The following BCL11B variants were observed in gnomAD, a reference collection of about 807,000 sequenced individuals.
BCL11B encodes B-cell lymphoma/leukemia 11B.
In BCL11B, 8 loss-of-function variants were observed where a neutral mutation model predicts 49.9. That is an observed-to-expected ratio of 0.16 (90% CI 0.09 to 0.29). BCL11B has a LOEUF of 0.29. Among genes scored for constraint, BCL11B ranks in the 10% least tolerant of loss-of-function variants. The pLI, the probability that BCL11B is intolerant of heterozygous loss-of-function variation, is 1.00. For missense variants in BCL11B, 1,006 were observed against 1,351.0 expected (o/e 0.74, Z 4.00); for synonymous variants, 739 against 637.4 (o/e 1.16, Z -2.40).
At chr14:99,221,853 C>T (rs1426936143) in intron 3 of BCL11B, among the ~76,000 whole-genome samples, 3 of 152,248 alleles carry the variant, frequency 2.0e-5, no homozygotes, top group Non-Finnish European at 2.9e-5. Context: ...GACCCTGTCA[C>T]GCCCATTTCT....
Position 99,175,252 on chromosome 14 carries a change from G to C in BCL11B, c.1584C>G (p.His528Gln), listed in dbSNP as rs755510485. Residue 528 changes from histidine to glutamine, a missense_variant, in exon 4 of 4, where the codon CAC becomes CAG. By Grantham distance (24) the His-to-Gln change is conservative. This residue lies in a region of BCL11B where 443 missense variants were observed against 499.7 expected (regional missense o/e 0.89). Transcript: ENST00000357195. ...RHHESDPSLG[H>Q]EPEEEDEEEE... ...CCTCCTCGTCCTCCTCCTCCGGCTC[G>C]TGGCCCAGCGACGGGTCGCTCTCGT... 2 of 1,544,254 alleles carry C rather than the reference G, an allele frequency of 1.3e-6. No homozygotes were observed. The highest frequency in any genetic ancestry group is 1.9e-5 in the Admixed American group (1 of 51,586).
At chr14:99,221,013 G>T (rs1235708041) in intron 3 of BCL11B, among the ~76,000 whole-genome samples, 1 of 152,030 alleles carries the variant, frequency 6.6e-6, no homozygotes, top group Admixed American at 6.6e-5. Context: ...ACCACGCCCA[G>T]CTACATTTTT....
At chr14:99,199,640 C>CTGTG (rs79328426) in intron 3 of BCL11B, among the ~76,000 whole-genome samples, 2,191 of 109,274 alleles carry the variant, frequency 0.02, 30 homozygotes, top group Non-Finnish European at 0.023. Flanking sequence ...TGGCTAAATG[C>CTGTG]TGTGTGTGTG....
At chr14:99,261,676 C>T (rs895831108) in intron 1 of BCL11B, among the ~76,000 whole-genome samples, 10 of 152,120 alleles carry the variant, frequency 6.6e-5, no homozygotes, top group Non-Finnish European at 1.3e-4. Flanking sequence ...GAAAAGCTCC[C>T]CAAGTGTCGG....
At chr14:99,226,086 T>C (rs896284626) in intron 3 of BCL11B, among the ~76,000 whole-genome samples, 5 of 152,228 alleles carry the variant, frequency 3.3e-5, no homozygotes, top group Non-Finnish European at 5.9e-5. Context: ...GCAACAGCAC[T>C]GTGAAGGCTG....
intron 1 of BCL11B, among the ~76,000 whole-genome samples, chr14:99,267,549 C>CG (rs1555385126): frequency 2.0e-5 from 3 of 149,664 alleles, no homozygotes; most frequent in African/African-American, 7.4e-5. Flanking sequence ...ACTTCACCCC[C>CG]CCCCCACCAA....
chr14:99,218,232 ATTTTTT>A (rs34932370), intron 3 of BCL11B, among the ~76,000 whole-genome samples: 2 of 112,886 alleles, frequency 1.8e-5, no homozygotes, highest in African/African-American at 6.9e-5. Context: ...TGCCTGGCTA[ATTTTTT>A]TTTTTTTTTT....
rs751946421 is a variant in BCL11B at position 99,174,219 on chromosome 14, T to C, written c.2617A>G (p.Met873Val). 1.2e-6 allele frequency: 2 copies of C among 1,613,866 alleles called. No individual in the cohort carries two copies. The highest frequency in any genetic ancestry group is 8.5e-7 in the Non-Finnish European group (1 of 1,180,010). ...AAGTGCTCGCCGTGCCACTTTTTCA[T>C]GTGTTTCTCCAGGGTGCTGTAGACG... Reference protein sequence around the residue: ...FSVYSTLEKHMKKWHGEHLLT... With the variant: ...FSVYSTLEKHVKKWHGEHLLT... The change falls in exon 4 of 4, where the codon ATG becomes GTG. Residue 873 changes from methionine to valine, a missense_variant. Physicochemically the swap from Met to Val is conservative, Grantham distance 21. Coordinates refer to ENST00000357195, the MANE Select transcript of BCL11B (RefSeq NM_138576.4).
intron 2 of BCL11B, among the ~76,000 whole-genome samples, chr14:99,235,743 A>G (rs1276096719): frequency 6.6e-6 from 1 of 151,508 alleles, no homozygotes; most frequent in Non-Finnish European, 1.5e-5. Context: ...GGTGGACGCT[A>G]CAGCGGTGGC....
intron 2 of BCL11B, among the ~76,000 whole-genome samples, chr14:99,250,325 G>T (rs1326641280): frequency 6.6e-6 from 1 of 151,936 alleles, no homozygotes. Flanking sequence ...GTGAGCCCCC[G>T]TGCCCAGCAG....
At chr14:99,189,385 G>A (rs1237707272) in intron 3 of BCL11B, among the ~76,000 whole-genome samples, 1 of 152,248 alleles carries the variant, frequency 6.6e-6, no homozygotes, top group East Asian at 1.9e-4. Flanking sequence ...GCCACCATGG[G>A]CGGTTATGGA....
At chr14:99,267,594 T>C (rs1336302193) in intron 1 of BCL11B, among the ~76,000 whole-genome samples, 4 of 150,346 alleles carry the variant, frequency 2.7e-5, no homozygotes, top group Non-Finnish European at 5.9e-5. Flanking sequence ...CTATGTCTTA[T>C]GAAATTTATC....
chr14:99,260,845 T>G (rs532621538), intron 1 of BCL11B, among the ~76,000 whole-genome samples: 1 of 152,100 alleles, frequency 6.6e-6, no homozygotes, highest in African/African-American at 2.4e-5. Context: ...AGCCAGGCCC[T>G]GTTGGCGTCC....
At chr14:99,234,226 T>C (rs536012192) in intron 2 of BCL11B, among the ~76,000 whole-genome samples, 5 of 152,114 alleles carry the variant, frequency 3.3e-5, no homozygotes, top group African/African-American at 1.2e-4. Flanking sequence ...GCTCGGGACT[T>C]AGACAGGAGT....
In BCL11B at chr14:99,170,099, G is replaced by A. The variant is rs1886239621; in HGVS notation, c.*4052C>T. ...TGGCTTAGTCCTGGCAATCTGGTAA[G>A]CTGGTGAGCACTGGCTAGCTGTTAT... On this transcript the variant is annotated 3_prime_UTR_variant, in exon 4 of 4. Transcript: ENST00000357195. The A allele has an allele frequency of 4.4e-6, 1 of 227,086 alleles. No individual in the cohort carries two copies. The highest frequency in any genetic ancestry group is 8.8e-6 in the Non-Finnish European group (1 of 113,812). 14.1% of individuals were successfully genotyped at this position (227,086 alleles called of 1,614,324 possible).
chr14:99,263,334 C>G (rs113896909), intron 1 of BCL11B: 3 of 153,324 alleles, frequency 2.0e-5, no homozygotes, highest in African/African-American at 7.2e-5. Context: ...CCTCGATCGC[C>G]GTTTCTGACA....
At chr14:99,199,694 GCGCACGTGCA>G (rs1566806768) in intron 3 of BCL11B, among the ~76,000 whole-genome samples, 1 of 63,686 alleles carries the variant, frequency 1.6e-5, no homozygotes, top group East Asian at 2.7e-4. Flanking sequence ...GCGCGCGCGC[GCGCACGTGCA>G]CGTGTGTGCG....
At chr14:99,255,064 C>T (rs1013392095) in intron 2 of BCL11B, among the ~76,000 whole-genome samples, 1 of 152,122 alleles carries the variant, frequency 6.6e-6, no homozygotes, top group Non-Finnish European at 1.5e-5. Flanking sequence ...AAGTTTTCTT[C>T]TTTAATCTTT....
Position 99,213,437 on chromosome 14 carries a change from C to A in BCL11B, c.640+17908G>T, listed in dbSNP as rs141751109. ...GTTTCCCCTCCAAAAATTCGAGGAA[C>A]ACCAAAATGACTCTCATCTGGACTG... On this transcript the variant is annotated intron_variant, in intron 3 of 3. Transcript: ENST00000357195. The surrounding 1 kb of genome is among the most constrained non-coding windows in gnomAD (Gnocchi z 5.1). 6.6e-6 allele frequency among the ~76,000 whole-genome samples: 1 copy of A among 152,162 alleles called. No homozygotes were observed. The highest frequency in any genetic ancestry group is 1.5e-5 in the Non-Finnish European group (1 of 68,034).
Sources: allele counts gnomAD v4.1 joint callset (sites outside exome capture counted in the v4.1 genomes callset), GRCh38; gene constraint gnomAD v4.1.1; regional missense constraint gnomAD v4.1.1; non-coding constraint Gnocchi (gnomAD v3.1); transcripts MANE v1.5; gene names NCBI Gene and HGNC (gene_info 2026-07-23, HGNC 2026-07-21).